The following ACOT12 variants were observed in gnomAD, a reference collection of about 807,000 sequenced individuals.
ACOT12 encodes the protein acetyl-coenzyme A thioesterase.
ACOT12 carries 51 observed loss-of-function variants against 67.7 expected under a neutral mutation model. That is an observed-to-expected ratio of 0.75 (90% CI 0.60 to 0.95). ACOT12 has a LOEUF of 0.95. Among genes scored for constraint, ACOT12 ranks in the 40% least tolerant of loss-of-function variants. ACOT12 has a pLI of 0.00. For missense variants in ACOT12, 734 were observed against 708.1 expected (o/e 1.04, Z -0.41); for synonymous variants, 251 against 244.6 (o/e 1.03, Z -0.24).
intron 4 of ACOT12, 56 bp from the exon 5 acceptor site, chr5:81,360,094 C>T: frequency 6.4e-7 from 1 of 1,553,412 alleles, no homozygotes; most frequent in Middle Eastern, 1.7e-4. Flanking sequence ...AAAAGCACAG[C>T]ATGAATTTTG....
At chr5:81,332,749 T>C in intron 12 of ACOT12, 144 bp from the exon 13 acceptor site, 2 of 976,668 alleles carry the variant, frequency 2.0e-6, no homozygotes, top group Non-Finnish European at 3.0e-6. Context: ...GCCAGCATTA[T>C]TGCTCAAGTC....
chr5:81,329,771 C>T (rs1758757290), downstream of ACOT12, among the ~76,000 whole-genome samples: 1 of 152,142 alleles, frequency 6.6e-6, no homozygotes. Flanking sequence ...TTACAGGTAC[C>T]TTGTGTGTCT....
rs1230783736 is a variant in ACOT12, at chr5:81,330,858, A to G, written c.1474T>C (p.Cys492Arg). Reference protein sequence around the residue: ...SPQYIRSEIICAGFLIHAIDS... With the variant: ...SPQYIRSEIIRAGFLIHAIDS... Reference sequence around the variant, plus strand: ...ATAGCATGGATGAGAAATCCGGCACATATGATTTCACTTCTGATGTACTGT... The same window carrying G: ...ATAGCATGGATGAGAAATCCGGCACGTATGATTTCACTTCTGATGTACTGT... The change falls in exon 14 of 15, where the codon TGT becomes CGT. Residue 492 changes from cysteine (C) to arginine (R), a missense_variant. Transcript: ENST00000307624. 1 of 1,613,982 alleles carries G rather than the reference A, an allele frequency of 6.2e-7. No individual in the cohort carries two copies.
At chr5:81,331,789 C>T (rs1274287966) in intron 13 of ACOT12, among the ~76,000 whole-genome samples, 1 of 152,168 alleles carries the variant, frequency 6.6e-6, no homozygotes, top group African/African-American at 2.4e-5. Context: ...ATATTGACTA[C>T]AATTTGATTT....
At chr5:81,329,066 G>A (rs79579216), downstream of ACOT12, among the ~76,000 whole-genome samples, 2,056 of 152,242 alleles carry the variant, frequency 0.014, 39 homozygotes, top group African/African-American at 0.047. Context: ...GTCAATTAGA[G>A]TGGGCAACAT....
At chr5:81,363,683 A>G in intron 4 of ACOT12, 105 bp downstream of exon 4, 1 of 710,990 alleles carries the variant, frequency 1.4e-6, no homozygotes, top group Non-Finnish European at 2.2e-6. Flanking sequence ...GGGGAAGTAT[A>G]TCTCATGGAA....
At position 81,391,309 on chromosome 5, in the gene ACOT12, A is replaced by G. The variant is rs558428418; in HGVS notation, c.127+2679T>C. On this transcript the variant is annotated intron_variant, in intron 1 of 14. Coordinates refer to ENST00000307624, the MANE Select transcript of ACOT12 (RefSeq NM_130767.3). The stretch of plus-strand genomic sequence containing the variant: ...TGTCTTTGGGCTCTTCAAACCAGCA[A>G]GCCTGTGGGTTTTCCATCAGAACTA... Among the ~76,000 whole-genome samples, 8 of 152,364 alleles carry G rather than the reference A, an allele frequency of 5.3e-5. No individual in the cohort carries two copies. The South Asian group carries it at 1.7e-3, about 32-fold the overall frequency.
chr5:81,386,472 G>C (rs1366352694), intron 1 of ACOT12, among the ~76,000 whole-genome samples: 2 of 152,078 alleles, frequency 1.3e-5, no homozygotes, highest in African/African-American at 2.4e-5. Context: ...TTATTTCCAT[G>C]TTCTATGTCT....
the ACOT12 span, among the ~76,000 whole-genome samples, chr5:81,311,655 T>G: frequency 6.6e-6 from 1 of 152,208 alleles, no homozygotes; most frequent in African/African-American, 2.4e-5. Flanking sequence ...TTGAGTGTCC[T>G]TATGTATGCT....
intron 5 of ACOT12, among the ~76,000 whole-genome samples, chr5:81,354,731 T>C (rs1759657234): frequency 2.0e-5 from 3 of 151,744 alleles, no homozygotes. Context: ...TGAGTCAGAA[T>C]CTGGCTCTGT....
intron 2 of ACOT12, among the ~76,000 whole-genome samples, chr5:81,373,309 T>C (rs555401707): frequency 6.6e-6 from 1 of 152,238 alleles, no homozygotes; most frequent in South Asian, 2.1e-4. Context: ...TGAAGGACTG[T>C]GCTGTGAGGA....
chr5:81,338,889 C>T (rs1759097011), intron 11 of ACOT12, among the ~76,000 whole-genome samples: 1 of 152,112 alleles, frequency 6.6e-6, no homozygotes, highest in South Asian at 2.1e-4. Flanking sequence ...TGAGACCAAC[C>T]TGGAAACATG....
chr5:81,342,604 A>AACCACC, intron 11 of ACOT12, 68 bp downstream of exon 11: 1 of 1,496,062 alleles, frequency 6.7e-7, no homozygotes, highest in East Asian at 2.3e-5. Flanking sequence ...GAAGCAGTAG[A>AACCACC]ACCACCACCA....
At chr5:81,321,505 A>T in the ACOT12 span, among the ~76,000 whole-genome samples, 2 of 152,218 alleles carry the variant, frequency 1.3e-5, no homozygotes, top group Non-Finnish European at 2.9e-5. Flanking sequence ...AAGAAATTTT[A>T]AAAATGGAAA....
Position 81,385,757 on chromosome 5 carries a change from C to T in ACOT12, c.197G>A (p.Arg66Lys), listed in dbSNP as rs1760709011. 1.9e-6 allele frequency: 3 copies of T among 1,613,968 alleles called. No individual in the cohort carries two copies. Among genetic ancestry groups the T allele is most frequent in the South Asian group, 1.1e-5 (1 of 91,056 alleles). The change falls in exon 2 of 15, where the codon AGA becomes AAA. Residue 66 changes from arginine (R) to lysine (K), a missense_variant and splice_region_variant. Arg to Lys is a conservative substitution (Grantham distance 26, BLOSUM62 2). Transcript: ENST00000307624. ...GGAGCCATGGAGCAATGTCACTTAC[C>T]TAGCTGTCTCCTCAAACTGTATGTC... ...VDDIQFEETA[R>K]VGQVITIKAK...
chr5:81,374,532 A>C (rs556515847), intron 2 of ACOT12, among the ~76,000 whole-genome samples: 1 of 152,268 alleles, frequency 6.6e-6, no homozygotes, highest in East Asian at 1.9e-4. Flanking sequence ...GTAGGTAATA[A>C]CAAACTCCTC....
At chr5:81,349,381 C>G (rs765446723) in intron 5 of ACOT12, among the ~76,000 whole-genome samples, 16 of 152,172 alleles carry the variant, frequency 1.1e-4, no homozygotes, top group Non-Finnish European at 2.2e-4. Context: ...TGGCCTCACT[C>G]TCCCTCTCCC....
At chr5:81,313,778 T>A in the ACOT12 span, among the ~76,000 whole-genome samples, 1 of 152,226 alleles carries the variant, frequency 6.6e-6, no homozygotes, top group South Asian at 2.1e-4. Context: ...TGTTTTCATC[T>A]CTGCACAACT....
chr5:81,349,134 A>T (rs189120288), intron 5 of ACOT12, among the ~76,000 whole-genome samples: 19 of 152,288 alleles, frequency 1.2e-4, no homozygotes, highest in African/African-American at 4.6e-4. Flanking sequence ...ATGCCCAGCA[A>T]CTGTTGCTGC....
Sources: allele counts gnomAD v4.1 joint callset (sites outside exome capture counted in the v4.1 genomes callset), GRCh38; gene constraint gnomAD v4.1.1; transcripts MANE v1.5; gene names NCBI Gene and HGNC (gene_info 2026-07-23, HGNC 2026-07-21).